EPS15: variants seen among roughly 807,000 people sequenced by gnomAD.
EPS15 encodes the protein epidermal growth factor receptor pathway substrate 15, also known as epidermal growth factor receptor substrate 15.
In EPS15, 72 loss-of-function variants were observed where a neutral mutation model predicts 113.8. The ratio of observed to expected loss-of-function variants is 0.63; its 90% CI spans 0.52 to 0.77. The LOEUF is 0.77. EPS15 is among the 30% of genes least tolerant of loss of function. The pLI is 0.00. For synonymous variants in EPS15, 344 were observed against 363.4 expected, an observed-to-expected ratio of 0.95 and a Z score of 0.61; for missense variants, 1,048 against 1,045.8, an observed-to-expected ratio of 1.00 and a Z score of -0.03.
intron 12 of EPS15, among the ~76,000 whole-genome samples, chr1:51,427,857 T>C (rs1291093609): frequency 6.6e-6 from 1 of 152,132 alleles, no homozygotes; most frequent in Non-Finnish European, 1.5e-5. Flanking sequence ...TCAAATTTGA[T>C]AAAATATCTG....
chr1:51,499,037 T>C (rs1393822188), intron 1 of EPS15, among the ~76,000 whole-genome samples: 3 of 152,186 alleles, frequency 2.0e-5, no homozygotes, highest in Non-Finnish European at 4.4e-5. Flanking sequence ...TTTACGCCCT[T>C]CTACCATATG....
At chr1:51,454,402 CTT>C (rs1653820890) in intron 8 of EPS15, among the ~76,000 whole-genome samples, 1 of 152,174 alleles carries the variant, frequency 6.6e-6, no homozygotes, top group African/African-American at 2.4e-5. Context: ...GAAAAAGTAA[CTT>C]TACAGTGGTG....
intron 21 of EPS15, among the ~76,000 whole-genome samples, chr1:51,385,660 T>C (rs1490848368): frequency 6.6e-6 from 1 of 152,108 alleles, no homozygotes; most frequent in East Asian, 1.9e-4. Context: ...TAAGTGTCCA[T>C]TAATGAATGA....
intron 21 of EPS15, among the ~76,000 whole-genome samples, chr1:51,387,587 G>C (rs1261166975): frequency 1.3e-5 from 2 of 152,162 alleles, no homozygotes; most frequent in Admixed American, 6.6e-5. Context: ...CTCACGTGCA[G>C]AGACACACAT....
At chr1:51,413,263 T>C (rs1649906793) in intron 13 of EPS15, among the ~76,000 whole-genome samples, 1 of 152,238 alleles carries the variant, frequency 6.6e-6, no homozygotes, top group African/African-American at 2.4e-5. Context: ...TGGGCTTCCT[T>C]CACCTATGCT....
chr1:51,439,390 G>A (rs1252812606), intron 12 of EPS15, among the ~76,000 whole-genome samples: 2 of 151,776 alleles, frequency 1.3e-5, no homozygotes, highest in Non-Finnish European at 2.9e-5. Flanking sequence ...TGCCATATAA[G>A]GCAGTTAACT....
chr1:51,449,819 G>A lies in EPS15; in HGVS notation c.562-1684C>T, dbSNP rs76913204. ...GGCTGAGGGTGCAATCTTGGGGTAC[G>A]GGAAATTGTCCTCCTGTGCATTGAA... On this transcript the variant is annotated intron_variant, in intron 8 of 24. Transcript: ENST00000371733. Among the ~76,000 whole-genome samples, 209 of 151,724 alleles carry A rather than the reference G, an allele frequency of 1.4e-3. 11 individuals carry two copies. Among genetic ancestry groups the A allele is most frequent in the African/African-American group, 4.9e-3 (203 of 41,076 alleles).
chr1:51,437,366 A>C (rs984343020), intron 12 of EPS15, among the ~76,000 whole-genome samples: 2 of 152,106 alleles, frequency 1.3e-5, no homozygotes, highest in Admixed American at 1.3e-4. Flanking sequence ...TTTACAATGA[A>C]TATGTATTAT....
chr1:51,399,332 C>T (rs1648283335), intron 19 of EPS15, among the ~76,000 whole-genome samples, 167 bp from the exon 20 acceptor site: 1 of 151,914 alleles, frequency 6.6e-6, no homozygotes, highest in Admixed American at 6.6e-5. Context: ...AGGCAGATCA[C>T]TTGAGGTCAG....
chr1:51,514,218 T>C (rs946510102), intron 1 of EPS15, among the ~76,000 whole-genome samples: 3 of 152,184 alleles, frequency 2.0e-5, no homozygotes, highest in African/African-American at 7.2e-5. Context: ...CCTTGTTGAT[T>C]CAACTGCTTT....
chr1:51,374,645 T>C (rs1646743214), intron 21 of EPS15, among the ~76,000 whole-genome samples: 1 of 152,200 alleles, frequency 6.6e-6, no homozygotes, highest in Non-Finnish European at 1.5e-5. Context: ...GTAAGAATTC[T>C]AAATTTGCTT....
At chr1:51,474,438 CTT>C (rs1377647330) in intron 2 of EPS15, among the ~76,000 whole-genome samples, 1 of 152,202 alleles carries the variant, frequency 6.6e-6, no homozygotes, top group Non-Finnish European at 1.5e-5. Flanking sequence ...TTCCAGGACT[CTT>C]TTCAGTCTGA....
intron 14 of EPS15, 40 bp downstream of exon 14, chr1:51,409,495 A>G: frequency 6.4e-7 from 1 of 1,553,700 alleles, no homozygotes; most frequent in Non-Finnish European, 8.7e-7. Flanking sequence ...AAAAGCAACT[A>G]ATGTATAGGT....
In EPS15 at chr1:51,440,352, T is replaced by A. The variant is rs1190701991; in HGVS notation, c.1035A>T (p.Leu345=). 1 of 1,541,670 alleles carries A rather than the reference T, an allele frequency of 6.5e-7. No homozygotes were observed. The highest frequency in any genetic ancestry group is 1.1e-5 in the South Asian group (1 of 87,144). The change falls in exon 12 of 25, where the codon CTA becomes CTT. Residue 345 remains leucine (L), a synonymous_variant. Coordinates refer to ENST00000371733, the MANE Select transcript of EPS15 (RefSeq NM_001981.3). ...TGTAATTTTGCTTTACATACCTCTG[T>A]AGGTCAACTATTTCATTGTTAAGAG... ...LDTLNNEIVD[L]QREKNNVEQD...
chr1:51,461,793 T>C (rs1314144094), intron 7 of EPS15: 1 of 152,216 alleles, frequency 6.6e-6, no homozygotes, highest in Non-Finnish European at 1.5e-5. Context: ...CTAAAATCTA[T>C]ATAACATTGA....
intron 1 of EPS15, among the ~76,000 whole-genome samples, chr1:51,508,234 A>AGAGAGAG (rs1557536346): frequency 3.2e-5 from 3 of 95,002 alleles, no homozygotes; most frequent in Admixed American, 1.0e-4. Flanking sequence ...AAAAGAAAAG[A>AGAGAGAG]AAAGAAAGAG....
At chr1:51,509,060 T>G (rs890832440) in intron 1 of EPS15, among the ~76,000 whole-genome samples, 9 of 152,156 alleles carry the variant, frequency 5.9e-5, no homozygotes, top group Non-Finnish European at 7.4e-5. Context: ...ATCACAGTAC[T>G]TGTCACACAA....
intron 20 of EPS15, among the ~76,000 whole-genome samples, chr1:51,395,320 T>C (rs1450906195): frequency 1.3e-5 from 2 of 152,222 alleles, no homozygotes; most frequent in African/African-American, 2.4e-5. Context: ...TAGATTTTAT[T>C]AGATTTCACC....
intron 13 of EPS15, among the ~76,000 whole-genome samples, chr1:51,418,022 C>CT (rs1226849486): frequency 7.2e-5 from 11 of 152,104 alleles, no homozygotes; most frequent in African/African-American, 2.7e-4. Flanking sequence ...TCTGATATGA[C>CT]TTTAAGATTT....
Sources: allele counts gnomAD v4.1 joint callset (sites outside exome capture counted in the v4.1 genomes callset), GRCh38; gene constraint gnomAD v4.1.1; transcripts MANE v1.5; gene names NCBI Gene and HGNC (gene_info 2026-07-23, HGNC 2026-07-21).